CDH13: variants seen among roughly 807,000 people sequenced by gnomAD.
CDH13 encodes cadherin-13.
Under a neutral mutation model 63.8 loss-of-function variants are expected in CDH13, and 24 were observed. That is an observed-to-expected ratio of 0.38 (90% CI 0.27 to 0.53). The LOEUF (loss-of-function observed/expected upper bound fraction) is 0.53. CDH13 is among the 20% of genes least tolerant of loss of function. The pLI is 0.85. For missense variants in CDH13, 1,049 were observed against 903.1 expected, an observed-to-expected ratio of 1.16 and a Z score of -2.07; for synonymous variants, 503 against 355.3, an observed-to-expected ratio of 1.42 and a Z score of -4.67.
At chr16:83,004,148 C>T (rs1488545258) in intron 2 of CDH13, among the ~76,000 whole-genome samples, 3 of 152,184 alleles carry the variant, frequency 2.0e-5, no homozygotes, top group African/African-American at 7.2e-5. Flanking sequence ...CCAGCAGAAA[C>T]CTACAGCCCC....
At chr16:83,485,751 A>G (rs1032768482) in intron 6 of CDH13, among the ~76,000 whole-genome samples, 2 of 151,964 alleles carry the variant, frequency 1.3e-5, no homozygotes, top group Non-Finnish European at 2.9e-5. Flanking sequence ...TATCTCTTCT[A>G]CTGATTTCTG....
intron 4 of CDH13, among the ~76,000 whole-genome samples, chr16:83,202,865 A>G (rs2039070854): frequency 6.6e-6 from 1 of 150,840 alleles, no homozygotes; most frequent in Non-Finnish European, 1.5e-5. Context: ...ATGGACATAA[A>G]GACAGGAAAA....
intron 2 of CDH13, among the ~76,000 whole-genome samples, chr16:82,998,970 C>T (rs1912560555): frequency 2.7e-5 from 4 of 150,820 alleles, no homozygotes; most frequent in Admixed American, 1.3e-4. Flanking sequence ...TTTCCTTACG[C>T]ACATGAATAT....
intron 1 of CDH13, among the ~76,000 whole-genome samples, chr16:82,831,417 G>T (rs1441243158): frequency 1.3e-5 from 2 of 152,026 alleles, no homozygotes; most frequent in Non-Finnish European, 2.9e-5. Context: ...TTAAAGTGCT[G>T]GGGGTTGGGA....
At position 83,364,932 on chromosome 16, in the gene CDH13, G is replaced by C. The variant is rs151217093; in HGVS notation, c.781+19926G>C. ...AAGGGGTAGGTAAGCGGCAAAAGGAGGGAGAGAATTAGGACAAATACCTAA... is the reference window on the plus strand; with the variant it reads ...AAGGGGTAGGTAAGCGGCAAAAGGACGGAGAGAATTAGGACAAATACCTAA... On this transcript the variant is annotated intron_variant, in intron 6 of 13. Coordinates refer to ENST00000567109, the MANE Select transcript of CDH13 (RefSeq NM_001257.5). Among the ~76,000 whole-genome samples, 8 of 152,272 alleles carry C rather than the reference G, an allele frequency of 5.3e-5. No individual in the cohort carries two copies. In the South Asian group the frequency reaches 1.7e-3, roughly 32 times the overall value.
intron 8 of CDH13, among the ~76,000 whole-genome samples, chr16:83,633,191 A>C (rs975645524): frequency 4.0e-5 from 6 of 151,796 alleles, no homozygotes; most frequent in Admixed American, 3.3e-4. Flanking sequence ...AGAATGCCTC[A>C]ACCTCCTGAC....
chr16:83,193,748 A>G (rs1046704016), intron 4 of CDH13, among the ~76,000 whole-genome samples: 13 of 152,208 alleles, frequency 8.5e-5, no homozygotes, highest in Admixed American at 1.3e-4. Context: ...AGTGGTAGAA[A>G]AAGAATTCAC....
intron 10 of CDH13, chr16:83,710,035 A>T (rs1598541767): frequency 6.6e-6 from 1 of 152,264 alleles, no homozygotes; most frequent in East Asian, 1.9e-4. Context: ...TCTTGCCCCC[A>T]GATGACATTT....
intron 4 of CDH13, chr16:83,171,569 T>C: frequency 6.5e-7 from 1 of 1,533,242 alleles, no homozygotes; most frequent in South Asian, 1.2e-5. Flanking sequence ...TGACATGAGA[T>C]AAGTGCACAG....
At chr16:83,661,158 A>G (rs1458659979) in intron 8 of CDH13, among the ~76,000 whole-genome samples, 1 of 152,170 alleles carries the variant, frequency 6.6e-6, no homozygotes, top group Non-Finnish European at 1.5e-5. Context: ...ATTTGAAGGA[A>G]AATGTTTGAT....
At chr16:82,966,856 C>G (rs1267699055) in intron 2 of CDH13, among the ~76,000 whole-genome samples, 2 of 152,112 alleles carry the variant, frequency 1.3e-5, no homozygotes, top group Non-Finnish European at 2.9e-5. Flanking sequence ...CATAGAATCA[C>G]AGAACAATGA....
At chr16:83,030,121 G>A (rs897670306) in intron 2 of CDH13, among the ~76,000 whole-genome samples, 6 of 152,062 alleles carry the variant, frequency 3.9e-5, no homozygotes, top group African/African-American at 1.4e-4. Context: ...TTCATGCAGG[G>A]GGCCCATCTT....
At chr16:82,637,525 GGTTCACGCC>G (rs1417205836) in intron 1 of CDH13, 1 of 144,170 alleles carries the variant, frequency 6.9e-6, no homozygotes, top group Non-Finnish European at 1.5e-5. Context: ...CCGCCTCCCG[GGTTCACGCC>G]GTTCTCCTGC....
chr16:83,253,400 G>A lies in CDH13; in HGVS notation c.636+35903G>A, dbSNP rs72802284. On this transcript the variant is annotated intron_variant, in intron 5 of 13. Transcript: ENST00000567109. ...GCCTCAACTGCCCAGGTTTCTTAGC[G>A]ATCAGTCATCTTGATCAAAGTAAGA... Among the ~76,000 whole-genome samples, 257 of 152,270 alleles carry A rather than the reference G, an allele frequency of 1.7e-3. 1 individual carries two copies. Among genetic ancestry groups the A allele is most frequent in the Non-Finnish European group, 2.5e-3 (173 of 68,016 alleles).
intron 1 of CDH13, among the ~76,000 whole-genome samples, chr16:82,726,677 C>T (rs2033114920): frequency 6.6e-6 from 1 of 152,206 alleles, no homozygotes; most frequent in Non-Finnish European, 1.5e-5. Flanking sequence ...AAAGAGAAAT[C>T]AGAGACTTCC....
intron 2 of CDH13, among the ~76,000 whole-genome samples, chr16:83,001,028 C>T (rs1442211118): frequency 6.6e-6 from 1 of 152,198 alleles, no homozygotes; most frequent in African/African-American, 2.4e-5. Flanking sequence ...TATCACTTGT[C>T]TCCTGAAAAA....
At chr16:83,615,011 A>G (rs1212499717) in intron 8 of CDH13, among the ~76,000 whole-genome samples, 3 of 152,158 alleles carry the variant, frequency 2.0e-5, no homozygotes, top group African/African-American at 7.2e-5. Flanking sequence ...TTTGACATGA[A>G]TATCTACAGT....
intron 5 of CDH13, among the ~76,000 whole-genome samples, chr16:83,260,845 C>T (rs1445054812): frequency 2.0e-5 from 3 of 152,146 alleles, no homozygotes; most frequent in African/African-American, 4.8e-5. Flanking sequence ...AGTTAAAAGT[C>T]AGCAAAGAAT....
intron 3 of CDH13, among the ~76,000 whole-genome samples, chr16:83,101,535 C>G (rs1406852493): frequency 6.6e-6 from 1 of 151,724 alleles, no homozygotes; most frequent in African/African-American, 2.4e-5. Context: ...GCTAATGCCT[C>G]TAAGCCCAGC....
Sources: gnomAD v4.1 joint callset for allele counts (sites outside exome capture counted in the v4.1 genomes callset) on GRCh38, gnomAD v4.1.1 for gene constraint, MANE v1.5 for transcripts, NCBI Gene and HGNC (gene_info 2026-07-23, HGNC 2026-07-21) for gene names.